TRPC7: variants seen among roughly 807,000 people sequenced by gnomAD.
The protein encoded by TRPC7 is short transient receptor potential channel 7.
A neutral mutation model predicts 90.1 loss-of-function variants in TRPC7; 42 were observed. That is an observed-to-expected ratio of 0.47 (90% CI 0.36 to 0.60). The LOEUF is 0.60. TRPC7 is among the 20% of genes least tolerant of loss of function. The pLI, the probability that TRPC7 is intolerant of heterozygous loss-of-function variation, is 0.00. For missense variants in TRPC7, 955 were observed against 1,112.3 expected, an observed-to-expected ratio of 0.86 and a Z score of 2.01; for synonymous variants, 451 against 436.3, an observed-to-expected ratio of 1.03 and a Z score of -0.42.
intron 11 of TRPC7, 44 bp downstream of exon 11, chr5:136,216,156 G>C: frequency 6.6e-7 from 1 of 1,523,202 alleles, no homozygotes; most frequent in African/African-American, 1.4e-5. Context: ...CACAGAACCT[G>C]TGTTGTTTTA....
Position 136,315,648 on chromosome 5 carries a change from G to A in TRPC7, c.912C>T (p.His304=). The change falls in exon 3 of 12, where the codon CAC becomes CAT. Residue 304 remains histidine, a synonymous_variant. Transcript: ENST00000513104. ...GTTTGATCCGGCTCAGACTTGGACGGTGGTGGTCGGACCAGACTTGGAAGT... is the reference window on the plus strand; with the variant it reads ...GTTTGATCCGGCTCAGACTTGGACGATGGTGGTCGGACCAGACTTGGAAGT... ...DVNFQVWSDH[H]RPSLSRIKLA... is the part of the protein sequence containing the mutation. 1.9e-6 allele frequency: 3 copies of A among 1,613,902 alleles called. No homozygotes were observed. The highest frequency in any genetic ancestry group is 2.5e-6 in the Non-Finnish European group (3 of 1,179,870).
At chr5:136,213,710 G>T in intron 11 of TRPC7, 106 bp from the exon 12 acceptor site, 1 of 1,297,748 alleles carries the variant, frequency 7.7e-7, no homozygotes, top group Non-Finnish European at 1.1e-6. Flanking sequence ...GTCGGGTCCT[G>T]GGCCAGCCCA....
chr5:136,273,202 G>A (rs1215302299), intron 4 of TRPC7, among the ~76,000 whole-genome samples: 1 of 152,098 alleles, frequency 6.6e-6, no homozygotes, highest in Admixed American at 6.5e-5. Context: ...TACTCACTGG[G>A]GCTCTGGGTG....
intron 3 of TRPC7, among the ~76,000 whole-genome samples, chr5:136,291,099 T>C (rs557209646): frequency 6.6e-6 from 1 of 152,304 alleles, no homozygotes; most frequent in South Asian, 2.1e-4. Flanking sequence ...GCTGAGAGAT[T>C]TAGTCACCAC....
At chr5:136,329,645 T>C (rs1330185142) in intron 2 of TRPC7, among the ~76,000 whole-genome samples, 1 of 152,172 alleles carries the variant, frequency 6.6e-6, no homozygotes, top group Non-Finnish European at 1.5e-5. Flanking sequence ...CTGTGATGAA[T>C]ACGAGCTGAC....
chr5:136,249,188 C>T (rs894566106), intron 6 of TRPC7, among the ~76,000 whole-genome samples: 1 of 152,156 alleles, frequency 6.6e-6, no homozygotes, highest in Non-Finnish European at 1.5e-5. Flanking sequence ...AAGGATATTA[C>T]ATAGCAATTC....
intron 3 of TRPC7, among the ~76,000 whole-genome samples, chr5:136,290,866 A>G (rs1757920911): frequency 6.6e-6 from 1 of 152,244 alleles, no homozygotes; most frequent in Non-Finnish European, 1.5e-5. Context: ...GAAATGAAGG[A>G]AAAAATGTTA....
At chr5:136,231,629 G>C in intron 7 of TRPC7, 80 bp from the exon 8 acceptor site, 10 of 1,316,482 alleles carry the variant, frequency 7.6e-6, no homozygotes, top group Non-Finnish European at 9.3e-6. Context: ...TCTTGAGACA[G>C]GGTCTCACTC....
chr5:136,345,494 G>A (rs1266117981), intron 2 of TRPC7, among the ~76,000 whole-genome samples: 1 of 152,156 alleles, frequency 6.6e-6, no homozygotes, highest in Non-Finnish European at 1.5e-5. Flanking sequence ...CTGGAAGGTG[G>A]TGGTTGCAGT....
At chr5:136,364,914 A>C (rs1339210995) in intron 1 of TRPC7, among the ~76,000 whole-genome samples, 1 of 152,138 alleles carries the variant, frequency 6.6e-6, no homozygotes, top group Non-Finnish European at 1.5e-5. Context: ...CAACCACATA[A>C]ATACATTAGA....
At chr5:136,236,405 G>A (rs967443813) in intron 7 of TRPC7, among the ~76,000 whole-genome samples, 3 of 152,176 alleles carry the variant, frequency 2.0e-5, no homozygotes, top group African/African-American at 7.2e-5. Context: ...ACAGACCCTT[G>A]ATTTCATGCA....
At chr5:136,346,249 A>G (rs568074750) in intron 2 of TRPC7, among the ~76,000 whole-genome samples, 2 of 152,270 alleles carry the variant, frequency 1.3e-5, no homozygotes, top group African/African-American at 4.8e-5. Context: ...ATATAAATAA[A>G]AAATTAAAAA....
chr5:136,234,652 C>T (rs187291832), intron 7 of TRPC7, among the ~76,000 whole-genome samples: 94 of 152,254 alleles, frequency 6.2e-4, no homozygotes, highest in African/African-American at 2.1e-3. Context: ...TGTTAAGGCC[C>T]TTGCTTTCTC....
At chr5:136,318,902 G>C (rs1759108689) in intron 2 of TRPC7, among the ~76,000 whole-genome samples, 1 of 151,774 alleles carries the variant, frequency 6.6e-6, no homozygotes, top group African/African-American at 2.4e-5. Flanking sequence ...GATATTTCAT[G>C]GTCAATGAAA....
chr5:136,286,004 G>A (rs1275417926), intron 3 of TRPC7, among the ~76,000 whole-genome samples: 1 of 152,144 alleles, frequency 6.6e-6, no homozygotes, highest in Non-Finnish European at 1.5e-5. Flanking sequence ...ATCTGTCTCT[G>A]TACTAGAACA....
chr5:136,217,333 G>T (rs1436807693), intron 10 of TRPC7, among the ~76,000 whole-genome samples: 2 of 152,198 alleles, frequency 1.3e-5, no homozygotes, highest in East Asian at 3.9e-4. Context: ...AAAAGTAAGT[G>T]AACTGGATGC....
Position 136,270,026 on chromosome 5 carries a change from T to A in TRPC7, c.1129-3590A>T, listed in dbSNP as rs116594224. Among the ~76,000 whole-genome samples the A allele has an allele frequency of 2.2e-3, 337 of 152,372 alleles. 1 individual carries two copies. Among genetic ancestry groups the A allele is most frequent in the African/African-American group, 7.4e-3 (306 of 41,600 alleles). On this transcript the variant is annotated intron_variant, in intron 4 of 11. Coordinates refer to ENST00000513104, the MANE Select transcript of TRPC7 (RefSeq NM_020389.3). ...AAAGGAAGGGACAGAGTTTGTCATCTGGTTGTTTTGACTTCTTTCTAAAAA... is the reference window on the plus strand; with the variant it reads ...AAAGGAAGGGACAGAGTTTGTCATCAGGTTGTTTTGACTTCTTTCTAAAAA...
chr5:136,295,792 G>T (rs1758149667), intron 3 of TRPC7, among the ~76,000 whole-genome samples: 1 of 152,174 alleles, frequency 6.6e-6, no homozygotes, highest in South Asian at 2.1e-4. Flanking sequence ...GGCTGAATTT[G>T]TGTCCTAAAT....
At chr5:136,302,525 C>T (rs993858938) in intron 3 of TRPC7, among the ~76,000 whole-genome samples, 1 of 152,094 alleles carries the variant, frequency 6.6e-6, no homozygotes, top group African/African-American at 2.4e-5. Context: ...TCTCTATGCT[C>T]TCTTTTCTCT....
Sources: allele counts gnomAD v4.1 joint callset (sites outside exome capture counted in the v4.1 genomes callset), GRCh38; gene constraint gnomAD v4.1.1; transcripts MANE v1.5; gene names NCBI Gene and HGNC (gene_info 2026-07-23, HGNC 2026-07-21).